Variants in RNF213 observed in about 807,000 individuals in gnomAD.
The protein encoded by RNF213 is E3 ubiquitin-protein ligase RNF213.
Under a neutral mutation model 514.4 loss-of-function variants are expected in RNF213, and 341 were observed. The observed-to-expected ratio is 0.66, with a 90% CI of 0.61 to 0.73. The LOEUF (loss-of-function observed/expected upper bound fraction) is 0.73. RNF213 is among the 30% of genes least tolerant of loss of function. RNF213 has a pLI of 0.00. For missense variants in RNF213, 5,767 were observed against 6,615.6 expected, an observed-to-expected ratio of 0.87 and a Z score of 4.45; for synonymous variants, 2,655 against 2,658.2, an observed-to-expected ratio of 1.00 and a Z score of 0.04.
At position 80,263,391 on chromosome 17, in the gene RNF213, C is replaced by G. The variant is rs1201930785; in HGVS notation, c.-108-183C>G. On this transcript the variant is annotated intron_variant, in intron 1 of 67. Transcript: ENST00000582970. The surrounding 1 kb of genome is among the most constrained non-coding windows in gnomAD (Gnocchi z 4.9). ...CATCCCCTATCCCCACCCAGCCCAA[C>G]CCATGTTCTCAGCAGCAGGGATGGT... Among the ~76,000 whole-genome samples, 1 of 151,052 alleles carries G rather than the reference C, an allele frequency of 6.6e-6. No homozygotes were observed. Among genetic ancestry groups the G allele is most frequent in the Non-Finnish European group, 1.5e-5 (1 of 67,736 alleles).
rs1599205284 is a variant in RNF213 at position 80,385,107 on chromosome 17, G to A, written c.14391G>A (p.Gln4797=). The A allele has an allele frequency of 1.2e-6, 2 of 1,614,192 alleles. No individual in the cohort carries two copies. The highest frequency in any genetic ancestry group is 1.7e-6 in the Non-Finnish European group (2 of 1,180,008). The change falls in exon 60 of 68, where the codon CAG becomes CAA. Residue 4797 remains glutamine (Q), a synonymous_variant. Coordinates refer to ENST00000582970, the MANE Select transcript of RNF213 (RefSeq NM_001256071.3). ...ILALQRDLVK[Q]FQNVQQVEYS... ...CCTTGCAAAGGGATCTAGTGAAGCAGTTCCAGAACGTCCAGCAAGTTGAAT... is the reference window on the plus strand; with the variant it reads ...CCTTGCAAAGGGATCTAGTGAAGCAATTCCAGAACGTCCAGCAAGTTGAAT...
rs375813322 is a variant in RNF213 at position 80,289,663 on chromosome 17, C to T, written c.938C>T (p.Ala313Val). ...GGGTTTGGTTCCTTGTTCCAGGAAG[C>T]TGAGACCAAGACCAAGGACGAGATG... ...TPPFKTHCQE[A>V]ETKTKDEMAA... is the part of the protein sequence containing the mutation. The change falls in exon 6 of 68, where the codon GCT (alanine) becomes GTT (valine). Residue 313 changes from alanine to valine, a missense_variant. By Grantham distance (64) the Ala-to-Val change is moderately conservative. Transcript: ENST00000582970. 1.4e-5 allele frequency: 22 copies of T among 1,613,108 alleles called. No homozygotes were observed. In the African/African-American group the frequency reaches 2.7e-4, roughly 20 times the overall value.
Position 80,325,128 on chromosome 17 carries a change from G to A in RNF213, c.3123G>A (p.Ala1041=), listed in dbSNP as rs142006531. 25 of 1,536,962 alleles carry A rather than the reference G, an allele frequency of 1.6e-5. No homozygotes were observed. In the Admixed American group the frequency reaches 2.6e-4, roughly 16 times the overall value. ...TCACTAAGTCCTGGCCTAGGACCGC[G>A]GACAACTTCGATGACATTTTAAAGC... ...AVITKSWPRT[A]DNFDDILKHL... Residue 1041 remains alanine (A), a synonymous_variant, in exon 18 of 68, where the codon GCG becomes GCA. Coordinates refer to ENST00000582970, the MANE Select transcript of RNF213 (RefSeq NM_001256071.3).
intron 10 of RNF213, 58 bp from the exon 11 acceptor site, chr17:80,298,263 C>G: frequency 1.3e-6 from 2 of 1,582,748 alleles, no homozygotes; most frequent in Non-Finnish European, 1.7e-6. Flanking sequence ...CTCCAGACTC[C>G]CAGGGAGATG....
chr17:80,318,124 T>C (rs1021543918), intron 16 of RNF213, among the ~76,000 whole-genome samples: 4 of 152,168 alleles, frequency 2.6e-5, no homozygotes, highest in African/African-American at 9.7e-5. Flanking sequence ...GTCACCTGTT[T>C]CCAGTGAAGC....
Position 80,327,869 on chromosome 17 carries a change from G to C in RNF213, c.3247G>C (p.Ala1083Pro), listed in dbSNP as rs746559042. 39 of 1,537,150 alleles carry C rather than the reference G, an allele frequency of 2.5e-5. No individual in the cohort carries two copies. The highest frequency in any genetic ancestry group is 3.2e-5 in the Non-Finnish European group (37 of 1,146,924). ...NVTEDAKRLI[A>P]VADSVLTKVV... ...CACAGAGGATGCCAAGAGGCTGATAGCTGTTGCCGACTCTGTGTTGACGAA... is the reference window on the plus strand; with the variant it reads ...CACAGAGGATGCCAAGAGGCTGATACCTGTTGCCGACTCTGTGTTGACGAA... Residue 1083 changes from alanine (A) to proline (P), a missense_variant, in exon 19 of 68, where the codon GCT becomes CCT. Ala to Pro is a conservative substitution (Grantham distance 27). Around this residue, in one of 13 missense-constraint regions of RNF213, gnomAD observed 516 missense variants for 566.5 expected, o/e 0.91. Transcript: ENST00000582970.
chr17:80,348,426 G>T, intron 29 of RNF213, 140 bp downstream of exon 29: 2 of 1,221,980 alleles, frequency 1.6e-6, no homozygotes, highest in Non-Finnish European at 1.2e-6. Context: ...TCTCCTCCGC[G>T]GTAAGTGTGG....
intron 49 of RNF213, 113 bp from the exon 50 acceptor site, chr17:80,374,345 T>C (rs72851475): frequency 0.028 from 39,254 of 1,410,276 alleles, 675 homozygotes; most frequent in Middle Eastern, 0.053. Flanking sequence ...GAATCCCAGC[T>C]TGGCTGCCTT....
chr17:80,340,332 G>C lies in RNF213; in HGVS notation c.5965G>C (p.Val1989Leu), dbSNP rs376102448. ...CAATGACCGGCTGTGTGTTGGGATC[G>C]TGGCCTCGGAGCGAGCAGGTGTTGG... ...VFNDRLCVGI[V>L]ASERAGVGKS... The change falls in exon 26 of 68, where the codon GTG becomes CTG. Residue 1989 changes from valine to leucine, a missense_variant. Transcript: ENST00000582970. 1.8e-5 allele frequency: 29 copies of C among 1,613,070 alleles called. No individual in the cohort carries two copies. The South Asian group carries it at 3.2e-4, about 18-fold the overall frequency.
chr17:80,362,911 C>CAG (rs2079108052), intron 39 of RNF213, among the ~76,000 whole-genome samples, 191 bp from the exon 40 acceptor site: 1 of 152,180 alleles, frequency 6.6e-6, no homozygotes, highest in African/African-American at 2.4e-5. Context: ...GCAAAAAGCC[C>CAG]AGACGACACG....
At chr17:80,269,658 A>G (rs556370942) in intron 2 of RNF213, among the ~76,000 whole-genome samples, 2 of 149,906 alleles carry the variant, frequency 1.3e-5, no homozygotes, top group African/African-American at 4.9e-5. Context: ...TCATCCATCA[A>G]TCTATCCATC....
Position 80,354,755 on chromosome 17 carries a change from C to T in RNF213, c.10862+179C>T. The T allele has an allele frequency of 8.2e-6, 6 of 731,472 alleles. No homozygotes were observed. The South Asian group carries it at 9.9e-5, about 12-fold the overall frequency. 45.3% of individuals were successfully genotyped at this position (731,472 alleles called of 1,614,324 possible). ...AGCACACAGTAGGTCTGGACAGTGG[C>T]CAAATGGCAGGTGCTGGACTCTTCC... On this transcript the variant is annotated intron_variant, in intron 36 of 67. Transcript: ENST00000582970.
Position 80,343,905 on chromosome 17 carries a change from T to C in RNF213, c.6232T>C (p.Tyr2078His). 2 of 1,614,206 alleles carry C rather than the reference T, an allele frequency of 1.2e-6. No homozygotes were observed. Among genetic ancestry groups the C allele is most frequent in the African/African-American group, 2.7e-5 (2 of 75,048 alleles). The change falls in exon 28 of 68, where the codon TAC becomes CAC. Residue 2078 changes from tyrosine to histidine, a missense_variant. This residue lies in a region of RNF213 where 1,377 missense variants were observed against 1,635.2 expected (regional missense o/e 0.84). Transcript: ENST00000582970. The surrounding 1 kb of genome is among the most constrained non-coding windows in gnomAD (Gnocchi z 4.3). ...TCTTTTCAAGCTCCTCATTTTACAA[T>C]ACTTAATGGATATAAATGGGAAAAT... ...VFLFKLLILQ[Y>H]LMDINGKMWL...
chr17:80,379,585 C>T (rs2079902310), intron 54 of RNF213, 35 bp from the exon 55 acceptor site: 3 of 1,586,122 alleles, frequency 1.9e-6, no homozygotes, highest in Non-Finnish European at 2.6e-6. Flanking sequence ...TGGTACTGCT[C>T]CAGAAGTGGT....
rs1272978398 is a variant in RNF213, at chr17:80,339,640, G to A, written c.5273G>A (p.Arg1758Lys). ...AGTGAGGCCGCCAGGTACCGCATGA[G>A]GAGAGTCATGGAAGAGCTCCCGCTG... is the stretch of plus-strand genomic sequence containing the variant. ...CGSEAARYRM[R>K]RVMEELPLML... Residue 1758 changes from arginine (R) to lysine (K), a missense_variant, in exon 26 of 68, where the codon AGG (arginine) becomes AAG (lysine). By Grantham distance (26) the Arg-to-Lys change is conservative. Around this residue, in one of 13 missense-constraint regions of RNF213, gnomAD observed 1,377 missense variants for 1,635.2 expected, o/e 0.84. Transcript: ENST00000582970. The A allele has an allele frequency of 3.9e-5, 60 of 1,537,104 alleles. No individual in the cohort carries two copies. Among genetic ancestry groups the A allele is most frequent in the Non-Finnish European group, 4.9e-5 (56 of 1,146,900 alleles).
At position 80,339,354 on chromosome 17, in the gene RNF213, C is replaced by T. The variant is rs1170839489; in HGVS notation, c.4987C>T (p.Leu1663Phe). Residue 1663 changes from leucine to phenylalanine, a missense_variant, in exon 26 of 68, where the codon CTT becomes TTT. This residue lies in a region of RNF213 where 1,377 missense variants were observed against 1,635.2 expected (regional missense o/e 0.84). Coordinates refer to ENST00000582970, the MANE Select transcript of RNF213 (RefSeq NM_001256071.3). ...MDFGLDLVTE[L>F]KEGGDVTELL... ...CTTTGGCTTGGACCTGGTGACGGAG[C>T]TTAAAGAAGGTGGAGATGTCACTGA... 1 of 1,537,120 alleles carries T rather than the reference C, an allele frequency of 6.5e-7. No homozygotes were observed. The highest frequency in any genetic ancestry group is 1.4e-5 in the African/African-American group (1 of 73,038).
chr17:80,367,755 G>A lies in RNF213; in HGVS notation c.11879G>A (p.Arg3960Gln), dbSNP rs768297572. 1.1e-5 allele frequency: 17 copies of A among 1,613,802 alleles called. No individual in the cohort carries two copies. Among genetic ancestry groups the A allele is most frequent in the East Asian group, 2.2e-5 (1 of 44,902 alleles). ...GTCCCTGCCTTTCTTCAGTGTCTTC[G>A]AGAGAACTCTGACGTGAAGACGCAC... The part of the protein sequence containing the change: ...EHVFLLDKCL[R>Q]ENSDVKTHGP... The change falls in exon 43 of 68, where the codon CGA becomes CAA. Residue 3960 changes from arginine to glutamine, a missense_variant. Coordinates refer to ENST00000582970, the MANE Select transcript of RNF213 (RefSeq NM_001256071.3).
At position 80,345,505 on chromosome 17, in the gene RNF213, C is replaced by T. The variant is rs76420316; in HGVS notation, c.7170C>T (p.Asp2390=). ...GGATCCCCCAGGCCACCGACCCCGA[C>T]AAAACGTATGAGCTCACAACCGACA... is the stretch of plus-strand genomic sequence containing the variant. ...TLGIPQATDP[D]KTYELTTDNM... The change falls in exon 29 of 68, where the codon GAC becomes GAT. Residue 2390 remains aspartate, a synonymous_variant. Transcript: ENST00000582970. This position sits in a 1 kb window ranked among gnomAD's most constrained non-coding sequence, Gnocchi z 6.0. The T allele has an allele frequency of 6.2e-7, 1 of 1,610,944 alleles. No homozygotes were observed. Among genetic ancestry groups the T allele is most frequent in the Non-Finnish European group, 8.5e-7 (1 of 1,177,460 alleles).
In RNF213 at chr17:80,298,426, G is replaced by C; in HGVS notation, c.2118G>C (p.Pro706=). The C allele has an allele frequency of 6.2e-7, 1 of 1,614,170 alleles. No homozygotes were observed. Among genetic ancestry groups the C allele is most frequent in the Non-Finnish European group, 8.5e-7 (1 of 1,180,030 alleles). Residue 706 remains proline (P), a synonymous_variant, in exon 11 of 68, where the codon CCG becomes CCC. Transcript: ENST00000582970. ...TGCACTGCTGTATGGAGCTGGCCCC[G>C]CGGCACAAGGATGCCTGGAGACAGC... ...PVLHCCMELA[P]RHKDAWRQPE...
Sources: gnomAD v4.1 joint callset for allele counts (sites outside exome capture counted in the v4.1 genomes callset) on GRCh38, gnomAD v4.1.1 for gene constraint, gnomAD v4.1.1 regional missense constraint, Gnocchi (gnomAD v3.1) non-coding constraint, MANE v1.5 for transcripts, NCBI Gene and HGNC (gene_info 2026-07-23, HGNC 2026-07-21) for gene names.